TRPC7: variants seen among roughly 807,000 people sequenced by gnomAD.
TRPC7 encodes short transient receptor potential channel 7.
A neutral mutation model predicts 90.1 loss-of-function variants in TRPC7; 42 were observed. The observed-to-expected ratio is 0.47, with a 90% CI of 0.36 to 0.60. The LOEUF (loss-of-function observed/expected upper bound fraction) is 0.60. Among genes scored for constraint, TRPC7 ranks in the 20% least tolerant of loss-of-function variants. The pLI is 0.00. For synonymous variants in TRPC7, 451 were observed against 436.3 expected (o/e 1.03, Z -0.42); for missense variants, 955 against 1,112.3 (o/e 0.86, Z 2.01).
At chr5:136,305,361 T>C (rs1237056608) in intron 3 of TRPC7, among the ~76,000 whole-genome samples, 2 of 152,186 alleles carry the variant, frequency 1.3e-5, no homozygotes, top group Non-Finnish European at 2.9e-5. Context: ...TACAAGCCAC[T>C]AGCCCACCTC....
intron 5 of TRPC7, among the ~76,000 whole-genome samples, chr5:136,260,393 T>A (rs1756818525): frequency 6.6e-6 from 1 of 151,664 alleles, no homozygotes; most frequent in Admixed American, 6.6e-5. Flanking sequence ...TAGCTTGGGT[T>A]GAAAGGCCTC....
intron 3 of TRPC7, among the ~76,000 whole-genome samples, chr5:136,282,428 G>T (rs564950985): frequency 2.0e-5 from 3 of 151,994 alleles, no homozygotes; most frequent in Non-Finnish European, 2.9e-5. Context: ...ATCACATTTT[G>T]TATTTTATTT....
At chr5:136,314,905 A>G (rs1758960618) in intron 3 of TRPC7, among the ~76,000 whole-genome samples, 1 of 152,224 alleles carries the variant, frequency 6.6e-6, no homozygotes, top group South Asian at 2.1e-4. Context: ...AGCAGATTCT[A>G]AAGCATCCAG....
intron 1 of TRPC7, among the ~76,000 whole-genome samples, chr5:136,363,167 A>G (rs1326924230): frequency 6.6e-6 from 1 of 152,204 alleles, no homozygotes; most frequent in Non-Finnish European, 1.5e-5. Context: ...ATCAGAGGGC[A>G]TATGATGTCC....
At chr5:136,331,087 G>A (rs1301545058) in intron 2 of TRPC7, among the ~76,000 whole-genome samples, 1 of 152,132 alleles carries the variant, frequency 6.6e-6, no homozygotes, top group Non-Finnish European at 1.5e-5. Context: ...GCTCATGCCA[G>A]CTAAATTCCA....
At chr5:136,340,666 A>C (rs555570062) in intron 2 of TRPC7, among the ~76,000 whole-genome samples, 2 of 152,274 alleles carry the variant, frequency 1.3e-5, no homozygotes, top group East Asian at 3.9e-4. Context: ...AAGAAAGCAT[A>C]AAATTTGAAT....
intron 2 of TRPC7, among the ~76,000 whole-genome samples, chr5:136,321,844 C>G (rs1759209129): frequency 6.6e-6 from 1 of 152,130 alleles, no homozygotes; most frequent in Non-Finnish European, 1.5e-5. Flanking sequence ...AGCTTGATCA[C>G]TTTGAGATTT....
intron 6 of TRPC7, among the ~76,000 whole-genome samples, chr5:136,248,435 G>A (rs540362236): frequency 7.2e-5 from 11 of 152,360 alleles, no homozygotes; most frequent in African/African-American, 1.7e-4. Context: ...TTTGTCAAAT[G>A]ACTGAATAGA....
chr5:136,345,347 G>A (rs1461974170), intron 2 of TRPC7, among the ~76,000 whole-genome samples: 1 of 152,194 alleles, frequency 6.6e-6, no homozygotes, highest in African/African-American at 2.4e-5. Flanking sequence ...CCTGAGGTCA[G>A]GAGTTTGAGA....
chr5:136,347,264 C>A (rs1001927434), intron 2 of TRPC7, among the ~76,000 whole-genome samples: 8 of 152,128 alleles, frequency 5.3e-5, no homozygotes, highest in African/African-American at 1.9e-4. Context: ...ACTCAAACAA[C>A]CACCCATACT....
chr5:136,294,163 T>G (rs1185259271), intron 3 of TRPC7, among the ~76,000 whole-genome samples: 2 of 152,188 alleles, frequency 1.3e-5, no homozygotes, highest in Non-Finnish European at 2.9e-5. Context: ...AAGACTTAAA[T>G]GTTAGGCCTA....
intron 2 of TRPC7, among the ~76,000 whole-genome samples, chr5:136,338,538 TGAAA>T (rs967481543): frequency 3.3e-5 from 5 of 152,222 alleles, no homozygotes; most frequent in Admixed American, 6.5e-5. Context: ...GGACATGTTT[TGAAA>T]GAAAGCCCAA....
chr5:136,361,419 CAG>C (rs1271355113), intron 1 of TRPC7, among the ~76,000 whole-genome samples: 5 of 152,202 alleles, frequency 3.3e-5, no homozygotes, highest in Admixed American at 6.5e-5. Context: ...CTTGATCCTT[CAG>C]TTGTTATTTT....
At chr5:136,303,435 A>T (rs1380034350) in intron 3 of TRPC7, among the ~76,000 whole-genome samples, 1 of 152,226 alleles carries the variant, frequency 6.6e-6, no homozygotes, top group African/African-American at 2.4e-5. Flanking sequence ...GAGTAGAGGC[A>T]GCCAAGTAGC....
Position 136,252,968 on chromosome 5 carries a change from G to A in TRPC7, c.1346-1086C>T, listed in dbSNP as rs112778128. Reference sequence around the variant, plus strand: ...ATGAGTATCCTTCTAGACCTGTACTGTCCAATACCATAGCCACCAATCATA... The same window carrying A: ...ATGAGTATCCTTCTAGACCTGTACTATCCAATACCATAGCCACCAATCATA... On this transcript the variant is annotated intron_variant, in intron 5 of 11. Transcript: ENST00000513104. 8.0e-3 allele frequency among the ~76,000 whole-genome samples: 1,219 copies of A among 152,292 alleles called. 14 individuals carry two copies. Among genetic ancestry groups the A allele is most frequent in the African/African-American group, 0.021 (858 of 41,550 alleles).
chr5:136,282,979 T>C (rs1302172212), intron 3 of TRPC7, among the ~76,000 whole-genome samples: 1 of 152,224 alleles, frequency 6.6e-6, no homozygotes, highest in East Asian at 1.9e-4. Context: ...GATTGTTTCA[T>C]GATAGCCTCC....
At chr5:136,313,197 A>G (rs1758893018) in intron 3 of TRPC7, among the ~76,000 whole-genome samples, 1 of 152,158 alleles carries the variant, frequency 6.6e-6, no homozygotes. Context: ...AAGGTTTCCA[A>G]ATTTATCTGA....
intron 1 of TRPC7, among the ~76,000 whole-genome samples, chr5:136,362,318 A>T (rs1760591852): frequency 6.6e-6 from 1 of 152,134 alleles, no homozygotes; most frequent in African/African-American, 2.4e-5. Context: ...TGTCATTTAT[A>T]TTTATTTATT....
At chr5:136,322,067 G>C (rs1215086518) in intron 2 of TRPC7, among the ~76,000 whole-genome samples, 2 of 151,732 alleles carry the variant, frequency 1.3e-5, no homozygotes, top group African/African-American at 4.8e-5. Flanking sequence ...CAGGCTAGAG[G>C]GTACTGGCAC....
Sources: gnomAD v4.1 joint callset for allele counts (sites outside exome capture counted in the v4.1 genomes callset) on GRCh38, gnomAD v4.1.1 for gene constraint, MANE v1.5 for transcripts, NCBI Gene and HGNC (gene_info 2026-07-23, HGNC 2026-07-21) for gene names.